CAMK2B: variants seen among roughly 807,000 people sequenced by gnomAD.
The protein encoded by CAMK2B is calcium/calmodulin dependent protein kinase II beta, also known as calcium/calmodulin-dependent protein kinase type II subunit beta.
A neutral mutation model predicts 93.7 loss-of-function variants in CAMK2B; 27 were observed. That is an observed-to-expected ratio of 0.29 (90% CI 0.21 to 0.40). The LOEUF is 0.40. Among genes scored for constraint, CAMK2B ranks in the 10% least tolerant of loss-of-function variants. CAMK2B has a pLI of 1.00. For missense variants in CAMK2B, 568 were observed against 895.8 expected (o/e 0.63, Z 4.67); for synonymous variants, 374 against 358.8 (o/e 1.04, Z -0.48).
chr7:44,289,591 AC>A (rs1290457719), intron 1 of CAMK2B, among the ~76,000 whole-genome samples: 1 of 152,046 alleles, frequency 6.6e-6, no homozygotes, highest in Non-Finnish European at 1.5e-5. Flanking sequence ...CTCCCCAGCC[AC>A]CTCACAAGGG....
chr7:44,237,731 C>T (rs762917963), intron 13 of CAMK2B, among the ~76,000 whole-genome samples: 1 of 152,216 alleles, frequency 6.6e-6, no homozygotes, highest in Non-Finnish European at 1.5e-5. Context: ...TCAAAGCATG[C>T]GTTAGGTGCC....
At chr7:44,313,355 G>A (rs1563107135) in intron 1 of CAMK2B, among the ~76,000 whole-genome samples, 1 of 152,114 alleles carries the variant, frequency 6.6e-6, no homozygotes, top group Non-Finnish European at 1.5e-5. Context: ...GAAGGAAAAA[G>A]GGCACAGGCG....
chr7:44,271,830 G>A lies in CAMK2B; in HGVS notation c.161-8766C>T, dbSNP rs10231358. On this transcript the variant is annotated intron_variant, in intron 2 of 23. Coordinates refer to ENST00000395749, the MANE Select transcript of CAMK2B (RefSeq NM_001220.5). This position sits in a 1 kb window ranked among gnomAD's most constrained non-coding sequence, Gnocchi z 4.2. ...GGGGCTGAAAGGAGGCCATGGGCAG[G>A]TCCCGGCCATTCCTCCTAAAAGGAA... Among the ~76,000 whole-genome samples the A allele has an allele frequency of 0.21, 32,158 of 152,236 alleles. 3,693 individuals are homozygous for A. Among genetic ancestry groups the A allele is most frequent in the Non-Finnish European group, 0.26 (17,840 of 68,004 alleles).
Position 44,240,766 on chromosome 7 carries a change from A to G in CAMK2B, c.904-17T>C. On this transcript the variant is annotated splice_polypyrimidine_tract_variant and intron_variant, in intron 11 of 23. Transcript: ENST00000395749. The stretch of plus-strand genomic sequence containing the variant: ...GATGGCTCCCTGGGGAGAGACACAG[A>G]TAAAACCGGGGCTATCCCATCAGTG... 1 of 1,613,256 alleles carries G rather than the reference A, an allele frequency of 6.2e-7. No individual in the cohort carries two copies. Among genetic ancestry groups the G allele is most frequent in the East Asian group, 2.2e-5 (1 of 44,864 alleles).
chr7:44,322,198 G>A (rs1453505301), intron 1 of CAMK2B, among the ~76,000 whole-genome samples: 1 of 152,230 alleles, frequency 6.6e-6, no homozygotes, highest in Admixed American at 6.5e-5. Flanking sequence ...CAACAAGACT[G>A]TTGAGTGAAA....
chr7:44,303,301 T>C, intron 1 of CAMK2B, among the ~76,000 whole-genome samples: 1 of 152,186 alleles, frequency 6.6e-6, no homozygotes, highest in Non-Finnish European at 1.5e-5. Context: ...AATAGGAAGA[T>C]GCAATATTGT....
chr7:44,292,611 C>A (rs1217643333), intron 1 of CAMK2B, among the ~76,000 whole-genome samples: 1 of 152,174 alleles, frequency 6.6e-6, no homozygotes, highest in East Asian at 1.9e-4. Flanking sequence ...AACTGCAGGA[C>A]TTCTCAGGGC....
chr7:44,284,321 A>C, intron 1 of CAMK2B, 96 bp from the exon 2 acceptor site: 1 of 891,276 alleles, frequency 1.1e-6, no homozygotes. Context: ...CTCCCCATTA[A>C]GCATTCAGCC....
At position 44,219,175 on chromosome 7, in the gene CAMK2B, G is replaced by T. The variant is rs1187314979; in HGVS notation, c.*350C>A. 1 of 152,154 alleles carries T rather than the reference G, an allele frequency of 6.6e-6. No individual in the cohort carries two copies. The highest frequency in any genetic ancestry group is 1.5e-5 in the Non-Finnish European group (1 of 68,048). The allele number at this position is 152,154 out of a possible 1,614,324, so 9.4% of individuals were successfully genotyped here. ...GGCAGACAAGTTCATGTCCCAGCTG[G>T]TCCCCCAGAGGCCAGGAGCACAGAC... On this transcript the variant is annotated 3_prime_UTR_variant, in exon 24 of 24. Coordinates refer to ENST00000395749, the MANE Select transcript of CAMK2B (RefSeq NM_001220.5).
rs1026023253 is a variant in CAMK2B, at chr7:44,312,209, G to A, written c.65+13148C>T. 2.0e-5 allele frequency among the ~76,000 whole-genome samples: 3 copies of A among 152,216 alleles called. No homozygotes were observed. Among genetic ancestry groups the A allele is most frequent in the Non-Finnish European group, 4.4e-5 (3 of 68,036 alleles). On this transcript the variant is annotated intron_variant, in intron 1 of 23. Transcript: ENST00000395749. The surrounding 1 kb of genome is among the most constrained non-coding windows in gnomAD (Gnocchi z 4.1). The stretch of plus-strand genomic sequence containing the variant: ...TCCATCCTTGGTGCCAGAAAGTGGA[G>A]GTGAGTGGAATTTAAAATGACAACT...
In CAMK2B at chr7:44,321,098, T is replaced by TAA. The variant is rs2116579727; in HGVS notation, c.65+4258_65+4259insTT. On this transcript the variant is annotated intron_variant, in intron 1 of 23. Coordinates refer to ENST00000395749, the MANE Select transcript of CAMK2B (RefSeq NM_001220.5). ...CCCCCGAGGCAGGGAGTGCCTGGTG[T>TAA]GCTCTGGGGAGAGAGAAAGCAAATA... Among the ~76,000 whole-genome samples the TAA allele has an allele frequency of 2.0e-5, 3 of 152,332 alleles. No individual in the cohort carries two copies. In the South Asian group the frequency reaches 6.2e-4, roughly 32 times the overall value.
chr7:44,270,771 A>G (rs1412176949), intron 2 of CAMK2B, among the ~76,000 whole-genome samples: 3 of 152,186 alleles, frequency 2.0e-5, no homozygotes, highest in Non-Finnish European at 4.4e-5. Context: ...CTGGGCACAC[A>G]TCTGTCCAAT....
At chr7:44,236,744 T>A (rs2096629965) in intron 13 of CAMK2B, among the ~76,000 whole-genome samples, 1 of 151,656 alleles carries the variant, frequency 6.6e-6, no homozygotes, top group Non-Finnish European at 1.5e-5. Context: ...CCCTCTCAGC[T>A]CCCCTCCCAT....
chr7:44,288,500 A>G (rs1346538541), intron 1 of CAMK2B, among the ~76,000 whole-genome samples: 1 of 152,186 alleles, frequency 6.6e-6, no homozygotes, highest in Non-Finnish European at 1.5e-5. Flanking sequence ...TCTAGACATC[A>G]AGGTTGCCCG....
At chr7:44,234,593 C>G (rs751328316) in intron 14 of CAMK2B, 46 bp downstream of exon 14, 28 of 1,610,836 alleles carry the variant, frequency 1.7e-5, no homozygotes, top group African/African-American at 2.7e-5. Flanking sequence ...GGTGAAGCTG[C>G]AGGCTCTGGG....
chr7:44,243,587 G>A (rs2096702759), intron 6 of CAMK2B, 60 bp from the exon 7 acceptor site: 1 of 1,361,440 alleles, frequency 7.3e-7, no homozygotes, highest in East Asian at 2.3e-5. Flanking sequence ...TGTTATGTGG[G>A]GTTGGGTGGG....
At chr7:44,252,755 G>C (rs1389772113) in intron 5 of CAMK2B, among the ~76,000 whole-genome samples, 1 of 152,202 alleles carries the variant, frequency 6.6e-6, no homozygotes, top group Non-Finnish European at 1.5e-5. Context: ...CTGGCCAGCA[G>C]GCAGGCAGCA....
intron 1 of CAMK2B, among the ~76,000 whole-genome samples, chr7:44,295,910 G>T (rs1177126155): frequency 1.3e-5 from 2 of 152,152 alleles, no homozygotes; most frequent in African/African-American, 4.8e-5. Flanking sequence ...GAAGGTCACA[G>T]CACAGGGGCA....
intron 2 of CAMK2B, among the ~76,000 whole-genome samples, chr7:44,283,308 ACAGGGAGACCCCACAAGGG>A (rs1784210606): frequency 6.6e-6 from 1 of 152,204 alleles, no homozygotes; most frequent in Admixed American, 6.5e-5. Context: ...CAGCACAAGG[ACAGGGAGACCCCACAAGGG>A]CAGGGAGACC....
Sources: gnomAD v4.1 joint callset for allele counts (sites outside exome capture counted in the v4.1 genomes callset) on GRCh38, gnomAD v4.1.1 for gene constraint, Gnocchi (gnomAD v3.1) non-coding constraint, MANE v1.5 for transcripts, NCBI Gene and HGNC (gene_info 2026-07-23, HGNC 2026-07-21) for gene names.